The following RIMS1 variants were observed in gnomAD, a reference collection of about 807,000 sequenced individuals.
RIMS1 encodes regulating synaptic membrane exocytosis 1.
Under a neutral mutation model 214.1 loss-of-function variants are expected in RIMS1, and 83 were observed. The observed-to-expected ratio is 0.39, with a 90% CI of 0.32 to 0.47. The LOEUF is 0.47. RIMS1 is among the 20% of genes least tolerant of loss of function. The probability of loss-of-function intolerance (pLI) is 0.99; values close to 1 mark genes in which losing one functional copy is unlikely to be tolerated. For missense variants in RIMS1, 2,050 were observed against 2,161.8 expected (o/e 0.95, Z 1.03); for synonymous variants, 793 against 786.8 (o/e 1.01, Z -0.13).
chr6:72,097,132 C>T lies in RIMS1; in HGVS notation c.429C>T (p.Cys143=), dbSNP rs1425538079. ...GTCGCACTAAGTTCTGTGCGCGCTG[C>T]GGAGGCCGCGTGTCTCTACGGTCAA... The part of the protein sequence containing the change: ...SYCRTKFCAR[C]GGRVSLRSNN... Residue 143 remains cysteine, a synonymous_variant, in exon 3 of 34, where the codon TGC becomes TGT. Transcript: ENST00000521978. 6.2e-7 allele frequency: 1 copy of T among 1,613,790 alleles called. No individual in the cohort carries two copies. The highest frequency in any genetic ancestry group is 1.7e-5 in the Admixed American group (1 of 59,994).
At chr6:71,924,972 G>A (rs1333438312) in intron 1 of RIMS1, among the ~76,000 whole-genome samples, 1 of 152,148 alleles carries the variant, frequency 6.6e-6, no homozygotes, top group East Asian at 1.9e-4. Context: ...CTCAGTGGTA[G>A]GGACTGTGCA....
At chr6:72,063,018 G>A (rs1828310456) in intron 2 of RIMS1, among the ~76,000 whole-genome samples, 1 of 152,068 alleles carries the variant, frequency 6.6e-6, no homozygotes. Flanking sequence ...TTGGGATTAG[G>A]ACTCTAGGAC....
intron 1 of RIMS1, among the ~76,000 whole-genome samples, chr6:71,914,964 A>G (rs1490403939): frequency 6.6e-6 from 1 of 152,156 alleles, no homozygotes; most frequent in African/African-American, 2.4e-5. Context: ...AATACAGTGG[A>G]CACTCAGCAA....
intron 4 of RIMS1, among the ~76,000 whole-genome samples, chr6:72,112,331 A>T (rs1055725128): frequency 1.3e-5 from 2 of 150,920 alleles, no homozygotes; most frequent in Non-Finnish European, 1.5e-5. Context: ...CCCCCACCCC[A>T]CTCCCAAAGA....
chr6:71,969,145 G>A, intron 2 of RIMS1, 82 bp downstream of exon 2: 1 of 1,314,668 alleles, frequency 7.6e-7, no homozygotes, highest in Non-Finnish European at 1.1e-6. Flanking sequence ...CATTGCATGT[G>A]AGAGTAGATA....
chr6:72,068,463 A>C (rs971377439), intron 2 of RIMS1, among the ~76,000 whole-genome samples: 2 of 152,210 alleles, frequency 1.3e-5, no homozygotes, highest in Non-Finnish European at 2.9e-5. Flanking sequence ...GGCAGAAAAG[A>C]GGTGAGGAAG....
chr6:72,320,702 C>T (rs2154312124), intron 28 of RIMS1, among the ~76,000 whole-genome samples: 1 of 151,974 alleles, frequency 6.6e-6, no homozygotes, highest in South Asian at 2.1e-4. Flanking sequence ...TTATTATACA[C>T]TTGGTATATG....
At chr6:72,150,841 G>A (rs2043455971) in intron 4 of RIMS1, among the ~76,000 whole-genome samples, 1 of 152,086 alleles carries the variant, frequency 6.6e-6, no homozygotes, top group African/African-American at 2.4e-5. Context: ...CTAAGGTGAA[G>A]GGCCACAAGT....
intron 1 of RIMS1, among the ~76,000 whole-genome samples, chr6:71,905,879 G>A (rs1290269047): frequency 9.9e-5 from 15 of 152,052 alleles, no homozygotes; most frequent in Admixed American, 9.8e-4. Flanking sequence ...GAGTTCTGCT[G>A]CAAAAAGAAA....
chr6:71,932,867 AAGAT>A (rs916748206), intron 1 of RIMS1, among the ~76,000 whole-genome samples: 72 of 152,170 alleles, frequency 4.7e-4, no homozygotes, highest in Non-Finnish European at 3.1e-4. Flanking sequence ...ATTATAAAAA[AAGAT>A]AGAGGAGCAA....
rs118054279 is a variant in RIMS1 at position 71,903,547 on chromosome 6, A to G, written c.164+16360A>G. Among the ~76,000 whole-genome samples, 11 of 152,328 alleles carry G rather than the reference A, an allele frequency of 7.2e-5. No individual in the cohort carries two copies. In the East Asian group the frequency reaches 2.1e-3, roughly 29 times the overall value. ...GAGCTTCTGCATAGCAAGAGAAACT[A>G]TGATCAGAGTGAACAGACAGCCTAC... On this transcript the variant is annotated intron_variant, in intron 1 of 33. Transcript: ENST00000521978.
chr6:72,218,317 T>C (rs1316126525), intron 6 of RIMS1, among the ~76,000 whole-genome samples: 3 of 152,114 alleles, frequency 2.0e-5, no homozygotes, highest in Non-Finnish European at 4.4e-5. Context: ...CTGTCCTCAC[T>C]GCTCACTTGC....
At chr6:72,316,039 T>G (rs35584315) in intron 28 of RIMS1, among the ~76,000 whole-genome samples, 2 of 129,502 alleles carry the variant, frequency 1.5e-5, no homozygotes, top group Non-Finnish European at 3.6e-5. Flanking sequence ...AGCAGCAAAG[T>G]TTTTTGTTCC....
At position 72,162,190 on chromosome 6, in the gene RIMS1, T is replaced by C. The variant is rs1316448160; in HGVS notation, c.472-17385T>C. Among the ~76,000 whole-genome samples the C allele has an allele frequency of 1.4e-5, 2 of 140,824 alleles. 1 individual carries two copies. Among genetic ancestry groups the C allele is most frequent in the African/African-American group, 4.9e-5 (2 of 40,644 alleles). The allele number at this position is 140,824 out of a possible 152,430, so 92.4% of individuals were successfully genotyped here. A position where few individuals can be genotyped will look rare whatever the true frequency, so the allele number is the denominator to read the frequency against. On this transcript the variant is annotated intron_variant, in intron 4 of 33. Transcript: ENST00000521978. ...CTTTGTTGGTGGAAAGTCTGTTTTA[T>C]CAGAGACCAGGATTGCAACCCCTGC...
intron 12 of RIMS1, 48 bp downstream of exon 12, chr6:72,248,175 T>C (rs372462029): frequency 3.7e-6 from 4 of 1,076,256 alleles, no homozygotes; most frequent in Non-Finnish European, 5.6e-6. Flanking sequence ...TTGCATACAC[T>C]GTCTGAGTCT....
At chr6:72,090,624 A>T (rs548437512) in intron 2 of RIMS1, among the ~76,000 whole-genome samples, 2 of 152,330 alleles carry the variant, frequency 1.3e-5, no homozygotes, top group South Asian at 4.1e-4. Flanking sequence ...TGTGGGGACA[A>T]CAAAGAGTTT....
intron 2 of RIMS1, among the ~76,000 whole-genome samples, chr6:72,089,914 G>A (rs1395271778): frequency 2.7e-5 from 4 of 147,528 alleles, no homozygotes; most frequent in Admixed American, 1.4e-4. Context: ...GTAAACTATC[G>A]CAAGAACAAA....
intron 26 of RIMS1, among the ~76,000 whole-genome samples, chr6:72,302,823 ATATAT>A (rs1407037110): frequency 2.0e-5 from 3 of 151,402 alleles, no homozygotes; most frequent in African/African-American, 4.8e-5. Context: ...TTTTACATTA[ATATAT>A]TTAATAATAT....
At chr6:72,035,367 G>C (rs954849416) in intron 2 of RIMS1, among the ~76,000 whole-genome samples, 1 of 152,050 alleles carries the variant, frequency 6.6e-6, no homozygotes, top group African/African-American at 2.4e-5. Flanking sequence ...CTATAGTTTA[G>C]ATATAGATTT....
Sources: allele counts gnomAD v4.1 joint callset (sites outside exome capture counted in the v4.1 genomes callset), GRCh38; gene constraint gnomAD v4.1.1; transcripts MANE v1.5; gene names NCBI Gene and HGNC (gene_info 2026-07-23, HGNC 2026-07-21).